Variants in CADPS2 observed in about 807,000 individuals in gnomAD.
CADPS2 encodes calcium-dependent secretion activator 2.
Under a neutral mutation model 172.5 loss-of-function variants are expected in CADPS2, and 93 were observed. The observed-to-expected ratio is 0.54, with a 90% CI of 0.46 to 0.64. The LOEUF is 0.64. CADPS2 is among the 30% of genes least tolerant of loss of function. The pLI is 0.00. For missense variants in CADPS2, 1,420 were observed against 1,565.9 expected (o/e 0.91, Z 1.57); for synonymous variants, 546 against 555.2 (o/e 0.98, Z 0.23).
intron 5 of CADPS2, among the ~76,000 whole-genome samples, chr7:122,620,362 T>C (rs2075446404): frequency 6.6e-6 from 1 of 152,220 alleles, no homozygotes; most frequent in African/African-American, 2.4e-5. Flanking sequence ...TATTATGTTA[T>C]AATCTTTTAT....
At chr7:122,734,573 T>C (rs187170906) in intron 2 of CADPS2, among the ~76,000 whole-genome samples, 2 of 151,620 alleles carry the variant, frequency 1.3e-5, no homozygotes, top group East Asian at 1.9e-4. Context: ...TGGTAAACTA[T>C]AAAAATTACT....
intron 1 of CADPS2, among the ~76,000 whole-genome samples, chr7:122,774,560 A>C (rs1004664799): frequency 5.9e-5 from 9 of 152,148 alleles, no homozygotes; most frequent in South Asian, 2.1e-4. Flanking sequence ...ATGTTCTACC[A>C]ATTATGGTTT....
At chr7:122,686,777 C>T (rs1253763975) in intron 2 of CADPS2, among the ~76,000 whole-genome samples, 2 of 152,190 alleles carry the variant, frequency 1.3e-5, no homozygotes, top group African/African-American at 2.4e-5. Flanking sequence ...CTCCGCCTCC[C>T]GTGCTCAAGC....
chr7:122,787,403 G>A (rs1794297005), intron 1 of CADPS2, among the ~76,000 whole-genome samples: 1 of 152,130 alleles, frequency 6.6e-6, no homozygotes, highest in Admixed American at 6.6e-5. Flanking sequence ...AAAACTTTCT[G>A]GATGATACTC....
chr7:122,562,705 G>A (rs1444161531), intron 7 of CADPS2, among the ~76,000 whole-genome samples: 3 of 152,170 alleles, frequency 2.0e-5, no homozygotes, highest in African/African-American at 7.2e-5. Flanking sequence ...ATAAGTGTGT[G>A]ATTTAAAGAT....
intron 28 of CADPS2, among the ~76,000 whole-genome samples, chr7:122,345,294 T>C (rs758192508): frequency 2.6e-5 from 4 of 152,016 alleles, no homozygotes; most frequent in Non-Finnish European, 4.4e-5. Flanking sequence ...CCCAGCTATG[T>C]CTTTTATTTT....
intron 6 of CADPS2, among the ~76,000 whole-genome samples, chr7:122,592,318 C>A (rs1587665616): frequency 6.6e-6 from 1 of 152,022 alleles, no homozygotes; most frequent in East Asian, 1.9e-4. Flanking sequence ...GAATGGCAAT[C>A]ATTAAAAAGT....
At chr7:122,451,670 T>C (rs2053134403) in intron 14 of CADPS2, among the ~76,000 whole-genome samples, 195 bp from the exon 15 acceptor site, 1 of 152,168 alleles carries the variant, frequency 6.6e-6, no homozygotes, top group Non-Finnish European at 1.5e-5. Context: ...AATGGAATTA[T>C]TCTCTTTTAG....
chr7:122,451,265 A>G (rs1211824552), intron 15 of CADPS2, 109 bp downstream of exon 15: 2 of 474,820 alleles, frequency 4.2e-6, no homozygotes, highest in Non-Finnish European at 7.2e-6. Flanking sequence ...AGGGAGGGCT[A>G]CTGATGATCT....
At chr7:122,438,200 A>AC in intron 17 of CADPS2, 141 bp downstream of exon 17, 1 of 1,037,488 alleles carries the variant, frequency 9.6e-7, no homozygotes, top group Non-Finnish European at 1.4e-6. Flanking sequence ...TCTTCAGTTC[A>AC]CCAGCTGAGA....
chr7:122,552,460 T>C (rs2064422602), intron 8 of CADPS2, among the ~76,000 whole-genome samples: 1 of 152,090 alleles, frequency 6.6e-6, no homozygotes, highest in South Asian at 2.1e-4. Context: ...TCACCTTTAG[T>C]CTTGGGCAGA....
intron 3 of CADPS2, among the ~76,000 whole-genome samples, chr7:122,656,141 G>A (rs1344223463): frequency 6.6e-6 from 1 of 152,120 alleles, no homozygotes; most frequent in Non-Finnish European, 1.5e-5. Context: ...TAAGCTGGGT[G>A]CAGAGAGTAA....
chr7:122,472,485 G>T (rs1182605328), intron 13 of CADPS2, among the ~76,000 whole-genome samples: 1 of 152,138 alleles, frequency 6.6e-6, no homozygotes, highest in Non-Finnish European at 1.5e-5. Context: ...CAAATCAGTT[G>T]TTGAGCCATG....
Position 122,879,940 on chromosome 7 carries a change from A to C in CADPS2, c.339+6059T>G, listed in dbSNP as rs149328477. Among the ~76,000 whole-genome samples, 723 of 152,320 alleles carry C rather than the reference A, an allele frequency of 4.7e-3. 6 individuals carry two copies. The highest frequency in any genetic ancestry group is 0.017 in the African/African-American group (689 of 41,570). ...ATGTTATAATTTTGGACATAGCAGA[A>C]CTTAAACAAGTCATTTTAATTAATA... On this transcript the variant is annotated intron_variant, in intron 1 of 29. Coordinates refer to ENST00000449022, the MANE Select transcript of CADPS2 (RefSeq NM_017954.11).
intron 6 of CADPS2, among the ~76,000 whole-genome samples, chr7:122,599,770 T>C (rs2072469593): frequency 1.3e-5 from 2 of 152,082 alleles, no homozygotes; most frequent in African/African-American, 2.4e-5. Context: ...AGATAGACAA[T>C]GTTACATATA....
At chr7:122,509,377 T>A (rs2059853469) in intron 9 of CADPS2, among the ~76,000 whole-genome samples, 2 of 152,174 alleles carry the variant, frequency 1.3e-5, no homozygotes, top group African/African-American at 4.8e-5. Context: ...CTTGATAGCC[T>A]ACTGTTGTTT....
chr7:122,849,809 C>G (rs1813032966), intron 1 of CADPS2: 3 of 534,834 alleles, frequency 5.6e-6, no homozygotes, highest in South Asian at 4.5e-5. Context: ...TACATCATCC[C>G]TCAGCACCAT....
intron 1 of CADPS2, among the ~76,000 whole-genome samples, chr7:122,787,896 C>A (rs1794411163): frequency 6.6e-6 from 1 of 152,136 alleles, no homozygotes; most frequent in African/African-American, 2.4e-5. Flanking sequence ...CAAGGTCCAG[C>A]CACCAGCTTA....
In CADPS2 at chr7:122,733,139, G is replaced by A. The variant is rs1464306534; in HGVS notation, c.453+3816C>T. Among the ~76,000 whole-genome samples, 3 of 151,512 alleles carry A rather than the reference G, an allele frequency of 2.0e-5. No individual in the cohort carries two copies. In the Admixed American group the frequency reaches 2.0e-4, roughly 10 times the overall value. ...AGAATAACTAGGTTAGAAAGAACAT[G>A]AAAGGCCAACCATGCTTCATATATA... On this transcript the variant is annotated intron_variant, in intron 2 of 29. Transcript: ENST00000449022.
Sources: gnomAD v4.1 joint callset for allele counts (sites outside exome capture counted in the v4.1 genomes callset) on GRCh38, gnomAD v4.1.1 for gene constraint, MANE v1.5 for transcripts, NCBI Gene and HGNC (gene_info 2026-07-23, HGNC 2026-07-21) for gene names.